PRPF6: variants seen among roughly 807,000 people sequenced by gnomAD.
PRPF6 encodes pre-mRNA processing factor 6.
PRPF6 carries 42 observed loss-of-function variants against 118.3 expected under a neutral mutation model. That is an observed-to-expected ratio of 0.35 (90% CI 0.28 to 0.46). The LOEUF (loss-of-function observed/expected upper bound fraction) is 0.46. PRPF6 is among the 20% of genes least tolerant of loss of function. The pLI is 1.00. For missense variants in PRPF6, 662 were observed against 1,255.7 expected (o/e 0.53, Z 7.15); for synonymous variants, 481 against 485.1 (o/e 0.99, Z 0.11).
At position 64,029,887 on chromosome 20, in the gene PRPF6, C is replaced by G. The variant is rs2059307685; in HGVS notation, c.2546+396C>G. The stretch of plus-strand genomic sequence containing the variant: ...GACGCATGTGATTCACACTGGTGCG[C>G]TGGCCGCCGGGTCAGAGACTCACTG... On this transcript the variant is annotated intron_variant, in intron 19 of 20. Coordinates refer to ENST00000266079, the MANE Select transcript of PRPF6 (RefSeq NM_012469.4). The surrounding 1 kb of genome is among the most constrained non-coding windows in gnomAD (Gnocchi z 4.8). Among the ~76,000 whole-genome samples the G allele has an allele frequency of 6.7e-6, 1 of 150,182 alleles. No homozygotes were observed. Among genetic ancestry groups the G allele is most frequent in the African/African-American group, 2.5e-5 (1 of 40,532 alleles).
At chr20:63,992,366 A>G (rs1197403145) in intron 3 of PRPF6, among the ~76,000 whole-genome samples, 1 of 152,076 alleles carries the variant, frequency 6.6e-6, no homozygotes, top group Non-Finnish European at 1.5e-5. Flanking sequence ...GGTTCAAGCA[A>G]TTCTCCTACC....
At chr20:64,031,492 G>T (rs1212924559) in intron 19 of PRPF6, among the ~76,000 whole-genome samples, 2 of 152,058 alleles carry the variant, frequency 1.3e-5, no homozygotes. Flanking sequence ...GACCAACACA[G>T]TGAAACCCCA....
chr20:64,007,820 C>G (rs188638791), intron 9 of PRPF6, among the ~76,000 whole-genome samples: 1 of 152,204 alleles, frequency 6.6e-6, no homozygotes, highest in Non-Finnish European at 1.5e-5. Context: ...CTCTGTCACC[C>G]AGGCTAGAGT....
Position 64,025,990 on chromosome 20 carries a change from G to A in PRPF6, c.1960G>A (p.Glu654Lys). 1.2e-6 allele frequency: 2 copies of A among 1,613,168 alleles called. No homozygotes were observed. Among genetic ancestry groups the A allele is most frequent in the South Asian group, 1.1e-5 (1 of 91,090 alleles). Reference protein sequence around the residue: ...IWLAAVKLESENDEYERARRL... With the variant: ...IWLAAVKLESKNDEYERARRL... ...GCTGGCAGCCGTGAAGCTGGAGTCC[G>A]AGAATGATGAGTACGAGCGGGCCCG... Residue 654 changes from glutamate (E) to lysine (K), a missense_variant, in exon 15 of 21, where the codon GAG (glutamate) becomes AAG (lysine). By Grantham distance (56) the Glu-to-Lys change is moderately conservative. Transcript: ENST00000266079.
intron 11 of PRPF6, among the ~76,000 whole-genome samples, chr20:64,015,661 T>G (rs973137509): frequency 2.0e-5 from 3 of 152,222 alleles, no homozygotes; most frequent in Admixed American, 2.0e-4. Context: ...GTCAAATATG[T>G]GCCTGTTTTA....
chr20:64,005,293 A>C (rs1022456572), intron 9 of PRPF6, among the ~76,000 whole-genome samples: 1 of 152,208 alleles, frequency 6.6e-6, no homozygotes, highest in Non-Finnish European at 1.5e-5. Context: ...TCGTAAGTTA[A>C]TGACTCCATA....
At chr20:64,016,596 G>C (rs2059239502) in intron 11 of PRPF6, 127 bp from the exon 12 acceptor site, 6 of 1,238,426 alleles carry the variant, frequency 4.8e-6, no homozygotes, top group Non-Finnish European at 6.9e-6. Flanking sequence ...CAGATCCCCA[G>C]TAGGCAGTGT....
chr20:64,024,484 C>T, intron 13 of PRPF6, 71 bp from the exon 14 acceptor site: 2 of 1,595,282 alleles, frequency 1.3e-6, no homozygotes, highest in Non-Finnish European at 1.7e-6. Context: ...CGTGCCCACG[C>T]CATGGCTGAG....
rs1374796865 is a variant in PRPF6 at position 64,024,768 on chromosome 20, AATCTCCCAC to A, written c.1908+78_1908+86del. On this transcript the variant is annotated intron_variant, in intron 14 of 20. Coordinates refer to ENST00000266079, the MANE Select transcript of PRPF6 (RefSeq NM_012469.4). ...ACCTGGGTGCTGACTGGGGCCTGAA[AATCTCCCAC>A]ATACAATGTGGCACGTGCTGTTGTT... 6 of 1,556,926 alleles carry A rather than the reference AATCTCCCAC, an allele frequency of 3.9e-6. No homozygotes were observed. In the Admixed American group the frequency reaches 7.6e-5, roughly 20 times the overall value.
chr20:63,991,179 C>T (rs1429542777), intron 3 of PRPF6, among the ~76,000 whole-genome samples: 3 of 151,712 alleles, frequency 2.0e-5, no homozygotes, highest in Non-Finnish European at 4.4e-5. Flanking sequence ...ATCCTAGTAC[C>T]TTGGGAGGCC....
chr20:63,995,053 G>C lies in PRPF6; in HGVS notation c.576G>C (p.Gln192His), dbSNP rs2059135246. The C allele has an allele frequency of 6.2e-7, 1 of 1,614,180 alleles. No homozygotes were observed. The highest frequency in any genetic ancestry group is 1.3e-5 in the African/African-American group (1 of 75,034). ...ACAGTTTCTTTGCCAAACATTTACA[G>C]ACCGGAGAGAACCATACCTCAGTGG... ...VPDSFFAKHL[Q>H]TGENHTSVDP... The change falls in exon 5 of 21, where the codon CAG (glutamine) becomes CAC (histidine). Residue 192 changes from glutamine (Q) to histidine (H), a missense_variant. Physicochemically the swap from Gln to His is conservative, Grantham distance 24. This residue lies in a region of PRPF6 where 97 missense variants were observed against 122.6 expected (regional missense o/e 0.79). Transcript: ENST00000266079.
Position 64,028,676 on chromosome 20 carries a change from G to A in PRPF6, c.2431+107G>A, listed in dbSNP as rs2059302361. On this transcript the variant is annotated intron_variant, in intron 18 of 20. Coordinates refer to ENST00000266079, the MANE Select transcript of PRPF6 (RefSeq NM_012469.4). This position sits in a 1 kb window ranked among gnomAD's most constrained non-coding sequence, Gnocchi z 6.5. The stretch of plus-strand genomic sequence containing the variant: ...CTGGCTTCCCAGACTCCGCAGGGCT[G>A]GCACTTCCTGAGGGAGTGGGGGCTC... 2.5e-5 allele frequency: 31 copies of A among 1,251,684 alleles called. No homozygotes were observed. Among genetic ancestry groups the A allele is most frequent in the Admixed American group, 3.9e-5 (2 of 51,670 alleles). The allele number at this position is 1,251,684 out of a possible 1,614,324, so 77.5% of individuals were successfully genotyped here. A position where few individuals can be genotyped will look rare whatever the true frequency, so the allele number is the denominator to read the frequency against.
chr20:64,021,456 G>A (rs944607500), intron 12 of PRPF6, among the ~76,000 whole-genome samples: 4 of 141,122 alleles, frequency 2.8e-5, no homozygotes, highest in South Asian at 2.3e-4. Context: ...CACAGCCCCC[G>A]TGCATGTGTG....
At chr20:64,031,838 T>A in intron 19 of PRPF6, 80 bp from the exon 20 acceptor site, 1 of 1,593,398 alleles carries the variant, frequency 6.3e-7, no homozygotes, top group Non-Finnish European at 8.6e-7. Flanking sequence ...ATGAAGCTGA[T>A]GGCCCTGAAG....
At chr20:64,018,975 G>A (rs1456207824) in intron 12 of PRPF6, among the ~76,000 whole-genome samples, 5 of 152,190 alleles carry the variant, frequency 3.3e-5, no homozygotes, top group Admixed American at 2.6e-4. Flanking sequence ...CCCGTGTGGC[G>A]TGACCCAGAG....
At position 64,029,350 on chromosome 20, in the gene PRPF6, T is replaced by C; in HGVS notation, c.2432-27T>C. 2 of 1,606,266 alleles carry C rather than the reference T, an allele frequency of 1.2e-6. No individual in the cohort carries two copies. Among genetic ancestry groups the C allele is most frequent in the Non-Finnish European group, 1.7e-6 (2 of 1,173,232 alleles). ...CCGGAACCAGAGGCTGGAGTGCAAATCTTTGTTCTTTGTTTCTGAATTATA... is the reference window on the plus strand; with the variant it reads ...CCGGAACCAGAGGCTGGAGTGCAAACCTTTGTTCTTTGTTTCTGAATTATA... On this transcript the variant is annotated intron_variant, in intron 18 of 20. Coordinates refer to ENST00000266079, the MANE Select transcript of PRPF6 (RefSeq NM_012469.4). This position sits in a 1 kb window ranked among gnomAD's most constrained non-coding sequence, Gnocchi z 4.8.
rs947129068 is a variant in PRPF6, at chr20:64,017,223, G to A, written c.1647+378G>A. ...TTCCCAAAGTGCTGGGATCACAGGC[G>A]TGAGCCACCGCGCCCGGCCTCCCAG... is the stretch of plus-strand genomic sequence containing the variant. On this transcript the variant is annotated intron_variant, in intron 12 of 20. Coordinates refer to ENST00000266079, the MANE Select transcript of PRPF6 (RefSeq NM_012469.4). 9.2e-5 allele frequency among the ~76,000 whole-genome samples: 14 copies of A among 151,406 alleles called. No homozygotes were observed. In the East Asian group the frequency reaches 1.9e-3, roughly 21 times the overall value.
At chr20:63,992,319 T>C (rs2059122196) in intron 3 of PRPF6, among the ~76,000 whole-genome samples, 1 of 152,112 alleles carries the variant, frequency 6.6e-6, no homozygotes, top group South Asian at 2.1e-4. Context: ...TGGAGTGCAA[T>C]GGCATGATCT....
chr20:63,988,248 A>G lies in PRPF6; in HGVS notation c.359+3223A>G, dbSNP rs1330732252. ...GGCAAGAGAATTGCTTGAACCTAGG[A>G]GGCAAATGTTGTAGTGAGCTGAGAT... On this transcript the variant is annotated intron_variant, in intron 3 of 20. Coordinates refer to ENST00000266079, the MANE Select transcript of PRPF6 (RefSeq NM_012469.4). Among the ~76,000 whole-genome samples the G allele has an allele frequency of 2.0e-5, 3 of 151,660 alleles. No homozygotes were observed. The East Asian group carries it at 5.8e-4, about 29-fold the overall frequency.
Sources: gnomAD v4.1 joint callset for allele counts (sites outside exome capture counted in the v4.1 genomes callset) on GRCh38, gnomAD v4.1.1 for gene constraint, gnomAD v4.1.1 regional missense constraint, Gnocchi (gnomAD v3.1) non-coding constraint, MANE v1.5 for transcripts, NCBI Gene and HGNC (gene_info 2026-07-23, HGNC 2026-07-21) for gene names.